TPTE2: variants seen among roughly 807,000 people sequenced by gnomAD.
TPTE2 encodes the protein phosphatidylinositol 3,4,5-trisphosphate 3-phosphatase TPTE2.
In TPTE2, 53 loss-of-function variants were observed where a neutral mutation model predicts 78.6. That is an observed-to-expected ratio of 0.67 (90% CI 0.54 to 0.85). The LOEUF is 0.85. Ranked by LOEUF, TPTE2 falls within the 40% of genes least tolerant of loss-of-function variation. TPTE2 has a pLI of 0.00. For missense variants in TPTE2, 461 were observed against 623.0 expected (o/e 0.74, Z 2.77); for synonymous variants, 175 against 206.2 (o/e 0.85, Z 1.30).
At chr13:19,485,092 T>C (rs572214894) in intron 3 of TPTE2, among the ~76,000 whole-genome samples, 2 of 152,310 alleles carry the variant, frequency 1.3e-5, no homozygotes, top group South Asian at 2.1e-4. Context: ...TAGTTTTCTA[T>C]AGTGATAAGG....
At chr13:19,556,510 T>C in the TPTE2 span, among the ~76,000 whole-genome samples, 2 of 152,176 alleles carry the variant, frequency 1.3e-5, no homozygotes, top group South Asian at 4.2e-4. Flanking sequence ...CCTAGGAACT[T>C]ATCTATTATG....
chr13:19,560,972 C>G, the TPTE2 span: 2 of 1,590,042 alleles, frequency 1.3e-6, no homozygotes, highest in Non-Finnish European at 8.6e-7. Context: ...GCAGTCCTCA[C>G]AGGATGACAC....
intron 6 of TPTE2, among the ~76,000 whole-genome samples, chr13:19,468,611 T>C (rs1196378432): frequency 2.0e-5 from 3 of 152,234 alleles, no homozygotes; most frequent in Non-Finnish European, 2.9e-5. Context: ...CAATTGATTC[T>C]ACTAATTTAC....
upstream of TPTE2, chr13:19,503,373 GT>G: frequency 7.6e-7 from 1 of 1,322,028 alleles, no homozygotes; most frequent in Non-Finnish European, 1.1e-6. Context: ...ACATAAACCA[GT>G]TAAGTTTTGA....
At chr13:19,482,124 C>G (rs1248613620) in intron 4 of TPTE2, among the ~76,000 whole-genome samples, 10 of 152,046 alleles carry the variant, frequency 6.6e-5, no homozygotes, top group African/African-American at 2.2e-4. Flanking sequence ...TAGGGAAAAT[C>G]TACAAAATTG....
At chr13:19,548,088 G>C in the TPTE2 span, among the ~76,000 whole-genome samples, 1 of 152,098 alleles carries the variant, frequency 6.6e-6, no homozygotes, top group Admixed American at 6.5e-5. Context: ...GGTTAATTGT[G>C]TCTAATTCTG....
chr13:19,499,395 G>C (rs1196263128), intron 1 of TPTE2, among the ~76,000 whole-genome samples: 22 of 150,916 alleles, frequency 1.5e-4, no homozygotes, highest in African/African-American at 5.1e-4. Flanking sequence ...CCACATACTT[G>C]GAAGTAAAGC....
At chr13:19,458,656 C>T (rs879020883) in intron 10 of TPTE2, 12 of 495,190 alleles carry the variant, frequency 2.4e-5, no homozygotes, top group South Asian at 1.7e-4. Context: ...CTCCCTTTTC[C>T]ACGGTGTGGC....
At chr13:19,496,243 A>G (rs1245230661) in intron 1 of TPTE2, among the ~76,000 whole-genome samples, 2 of 152,184 alleles carry the variant, frequency 1.3e-5, no homozygotes, top group South Asian at 2.1e-4. Flanking sequence ...GGAATCTGCC[A>G]TGCCATTTAC....
chr13:19,430,991 G>A (rs1045917535), intron 16 of TPTE2, among the ~76,000 whole-genome samples: 2 of 151,928 alleles, frequency 1.3e-5, no homozygotes, highest in African/African-American at 4.8e-5. Flanking sequence ...GCCAGGCGTG[G>A]TGGCACATGC....
chr13:19,501,410 G>A (rs1868540025), intron 1 of TPTE2, among the ~76,000 whole-genome samples: 1 of 128,054 alleles, frequency 7.8e-6, no homozygotes, highest in Admixed American at 8.6e-5. Flanking sequence ...TATACTACAA[G>A]GCTACAGTAA....
intron 3 of TPTE2, among the ~76,000 whole-genome samples, chr13:19,489,749 T>C (rs1880887963): frequency 1.0e-5 from 1 of 100,238 alleles, no homozygotes; most frequent in Admixed American, 1.2e-4. Context: ...CACACATATA[T>C]ACATGTGTGT....
intron 3 of TPTE2, among the ~76,000 whole-genome samples, chr13:19,488,561 T>A (rs1447902175): frequency 6.6e-6 from 1 of 152,258 alleles, no homozygotes; most frequent in Non-Finnish European, 1.5e-5. Flanking sequence ...GTTATAGAGA[T>A]GGCTTCTTTC....
At chr13:19,543,483 T>TAA in the TPTE2 span, among the ~76,000 whole-genome samples, 1 of 151,780 alleles carries the variant, frequency 6.6e-6, no homozygotes, top group Non-Finnish European at 1.5e-5. Flanking sequence ...CAGGCCCCCG[T>TAA]GTAGCTGGGA....
chr13:19,468,668 G>T (rs929074510), intron 6 of TPTE2, among the ~76,000 whole-genome samples: 3 of 152,058 alleles, frequency 2.0e-5, no homozygotes, highest in African/African-American at 7.2e-5. Context: ...CACATCTTTG[G>T]CAGGATTTGT....
chr13:19,483,794 T>C (rs1183843012), intron 3 of TPTE2, among the ~76,000 whole-genome samples: 1 of 152,194 alleles, frequency 6.6e-6, no homozygotes, highest in Non-Finnish European at 1.5e-5. Context: ...TCTTTTTTTT[T>C]ATACTTTAAG....
intron 10 of TPTE2, chr13:19,458,399 T>C (rs1246015782): frequency 2.5e-6 from 1 of 393,566 alleles, no homozygotes; most frequent in South Asian, 2.1e-5. Flanking sequence ...AGTGGCCAAT[T>C]ATTACTCACT....
intron 14 of TPTE2, among the ~76,000 whole-genome samples, chr13:19,437,683 T>C (rs1374194048): frequency 1.3e-5 from 2 of 152,176 alleles, no homozygotes; most frequent in Non-Finnish European, 2.9e-5. Flanking sequence ...TGAATGTTTT[T>C]TTCTGTGTAA....
intron 17 of TPTE2, among the ~76,000 whole-genome samples, chr13:19,427,978 G>C (rs1036562688): frequency 5.9e-5 from 9 of 152,156 alleles, no homozygotes; most frequent in African/African-American, 1.9e-4. Context: ...ACAAAGACTG[G>C]GTGTGCTGTT....
Sources: gnomAD v4.1 joint callset for allele counts (sites outside exome capture counted in the v4.1 genomes callset) on GRCh38, gnomAD v4.1.1 for gene constraint, MANE v1.5 for transcripts, NCBI Gene and HGNC (gene_info 2026-07-23, HGNC 2026-07-21) for gene names.